Variants in G3BP1 observed in about 807,000 individuals in gnomAD.
G3BP1 encodes ras GTPase-activating protein-binding protein 1.
G3BP1 carries 35 observed loss-of-function variants against 58.6 expected under a neutral mutation model. The ratio of observed to expected loss-of-function variants is 0.60; its 90% CI spans 0.46 to 0.79. The LOEUF is 0.79. Among genes scored for constraint, G3BP1 ranks in the 30% least tolerant of loss-of-function variants. The pLI, the probability that G3BP1 is intolerant of heterozygous loss-of-function variation, is 0.00. For synonymous variants in G3BP1, 191 were observed against 195.4 expected, an observed-to-expected ratio of 0.98 and a Z score of 0.19; for missense variants, 523 against 580.8, an observed-to-expected ratio of 0.90 and a Z score of 1.02.
In G3BP1 at chr5:151,790,306, A is replaced by G. The variant is rs751990724; in HGVS notation, c.96-17A>G. 3.7e-5 allele frequency: 50 copies of G among 1,359,754 alleles called. No homozygotes were observed. The South Asian group carries it at 6.5e-4, about 18-fold the overall frequency. The allele number at this position is 1,359,754 out of a possible 1,614,324, so 84.2% of individuals were successfully genotyped here. On this transcript the variant is annotated splice_polypyrimidine_tract_variant and intron_variant, in intron 2 of 11. Coordinates refer to ENST00000356245, the MANE Select transcript of G3BP1 (RefSeq NM_005754.3). ...GATACTTGAAGATGACAAGTAAATC[A>G]TCTTCCCATTTTACAGATTTTATGG...
At position 151,806,664 on chromosome 5, in the gene G3BP1, A is replaced by G. The variant is rs557156991; in HGVS notation, c.*2573A>G. ...ATTATAAGTTAGGGCAACATTTTCT[A>G]TAGGTGGCAGCAGTAGGAGCTCATC... On this transcript the variant is annotated 3_prime_UTR_variant, in exon 12 of 12. Coordinates refer to ENST00000356245, the MANE Select transcript of G3BP1 (RefSeq NM_005754.3). The G allele has an allele frequency of 1.4e-3, 206 of 152,314 alleles. No homozygotes were observed. The highest frequency in any genetic ancestry group is 4.5e-3 in the African/African-American group (185 of 41,566). The allele number at this position is 152,314 out of a possible 1,614,324, so 9.4% of individuals were successfully genotyped here.
At chr5:151,790,474 T>C (rs1762632409) in intron 3 of G3BP1, 70 bp downstream of exon 3, 6 of 753,582 alleles carry the variant, frequency 8.0e-6, no homozygotes, top group Non-Finnish European at 8.7e-6. Flanking sequence ...AAGTGGATCA[T>C]ACTTAATAGA....
chr5:151,778,467 G>T (rs896416744), intron 1 of G3BP1, among the ~76,000 whole-genome samples: 1 of 152,114 alleles, frequency 6.6e-6, no homozygotes, highest in Non-Finnish European at 1.5e-5. Flanking sequence ...TTGAGACAGT[G>T]TTTCGCTCTT....
At chr5:151,778,786 G>T (rs1436425011) in intron 1 of G3BP1, among the ~76,000 whole-genome samples, 1 of 151,766 alleles carries the variant, frequency 6.6e-6, no homozygotes, top group Non-Finnish European at 1.5e-5. Flanking sequence ...GTCAGGCGCA[G>T]TGGCTCACAC....
intron 1 of G3BP1, among the ~76,000 whole-genome samples, chr5:151,775,089 C>T (rs1316123361): frequency 6.6e-6 from 1 of 152,168 alleles, no homozygotes; most frequent in Non-Finnish European, 1.5e-5. Context: ...AAAAAAATTG[C>T]CCTCACAGCC....
At chr5:151,799,832 A>T in intron 8 of G3BP1, 57 bp from the exon 9 acceptor site, 1 of 984,394 alleles carries the variant, frequency 1.0e-6, no homozygotes, top group Non-Finnish European at 1.6e-6. Context: ...AAACTTCATT[A>T]AGAAAAAGGA....
chr5:151,781,028 A>T (rs951292185), intron 1 of G3BP1, among the ~76,000 whole-genome samples: 5 of 151,982 alleles, frequency 3.3e-5, no homozygotes, highest in South Asian at 4.1e-4. Context: ...ATATTGGAAA[A>T]TTTTTTTTGG....
In G3BP1 at chr5:151,805,254, AT is replaced by A. The variant is rs1379959380; in HGVS notation, c.*1167del. On this transcript the variant is annotated 3_prime_UTR_variant, in exon 12 of 12. Coordinates refer to ENST00000356245, the MANE Select transcript of G3BP1 (RefSeq NM_005754.3). ...TCTTAAAATCATAGCCATATGGTAA[AT>A]TTTCTATTTTGTTATGGTTCTCTTT... 1.3e-5 allele frequency: 2 copies of A among 152,116 alleles called. No individual in the cohort carries two copies. The highest frequency in any genetic ancestry group is 4.8e-5 in the African/African-American group (2 of 41,256). 9.4% of individuals were successfully genotyped at this position (152,116 alleles called of 1,614,324 possible).
At position 151,800,918 on chromosome 5, in the gene G3BP1, T is replaced by C. The variant is rs560931804; in HGVS notation, c.1194+49T>C. 8.5e-5 allele frequency: 78 copies of C among 912,466 alleles called. No homozygotes were observed. The East Asian group carries it at 1.9e-3, about 22-fold the overall frequency. 56.5% of individuals were successfully genotyped at this position (912,466 alleles called of 1,614,324 possible). On this transcript the variant is annotated intron_variant, in intron 11 of 11. Transcript: ENST00000356245. ...TTTTTTTTTTTTTTTTAAAAAGGGT[T>C]TTGGTTCTTTAGAATATATCTTTAC...
At chr5:151,800,049 A>C (rs769026712) in intron 9 of G3BP1, 49 bp downstream of exon 9, 2 of 1,323,794 alleles carry the variant, frequency 1.5e-6, no homozygotes, top group Admixed American at 1.9e-5. Flanking sequence ...TTGAGGTGAG[A>C]GCTTATTTTG....
intron 3 of G3BP1, 108 bp downstream of exon 3, chr5:151,790,512 CT>C: frequency 1.8e-6 from 1 of 544,062 alleles, no homozygotes; most frequent in Non-Finnish European, 3.2e-6. Flanking sequence ...AGTTTCTCAA[CT>C]TTTTAGTAAA....
intron 11 of G3BP1, among the ~76,000 whole-genome samples, chr5:151,802,672 G>A (rs985338642): frequency 6.6e-6 from 1 of 152,160 alleles, no homozygotes; most frequent in African/African-American, 2.4e-5. Context: ...AGTGGCTCAC[G>A]CCTGTAATCC....
At chr5:151,782,196 A>G (rs1762481912) in intron 1 of G3BP1, among the ~76,000 whole-genome samples, 1 of 152,178 alleles carries the variant, frequency 6.6e-6, no homozygotes, top group Non-Finnish European at 1.5e-5. Context: ...TTCTGATTTT[A>G]ATTTTACAGA....
intron 7 of G3BP1, 137 bp from the exon 8 acceptor site, chr5:151,799,075 T>C (rs529125960): frequency 1.6e-6 from 1 of 612,638 alleles, no homozygotes; most frequent in African/African-American, 1.9e-5. Context: ...GAGAAGAATC[T>C]TAATATATAT....
At chr5:151,787,713 A>G in intron 2 of G3BP1, 1 of 235,424 alleles carries the variant, frequency 4.2e-6, no homozygotes. Flanking sequence ...TAGAAGTTTC[A>G]AAATGTGTAT....
intron 2 of G3BP1, among the ~76,000 whole-genome samples, chr5:151,787,967 C>T (rs1205666683): frequency 2.0e-5 from 3 of 151,918 alleles, no homozygotes; most frequent in Non-Finnish European, 1.5e-5. Context: ...AGCTGTCTCC[C>T]GGGCTGGAGT....
rs1336496091 is a variant in G3BP1, at chr5:151,805,425, A to G, written c.*1334A>G. The G allele has an allele frequency of 6.6e-6, 1 of 152,548 alleles. No individual in the cohort carries two copies. Among genetic ancestry groups the G allele is most frequent in the Non-Finnish European group, 1.5e-5 (1 of 68,024 alleles). 9.4% of individuals were successfully genotyped at this position (152,548 alleles called of 1,614,324 possible). On this transcript the variant is annotated 3_prime_UTR_variant, in exon 12 of 12. Transcript: ENST00000356245. ...TGAGTGCTGTGTGTGAGATGGGTGA[A>G]GGTTTTGTTTACACGTGTGAAACAA... is the stretch of plus-strand genomic sequence containing the variant.
At position 151,790,927 on chromosome 5, in the gene G3BP1, C is replaced by T; in HGVS notation, c.216C>T (p.Asn72=). 6.2e-7 allele frequency: 1 copy of T among 1,608,544 alleles called. No homozygotes were observed. Among genetic ancestry groups the T allele is most frequent in the Non-Finnish European group, 8.5e-7 (1 of 1,176,736 alleles). ...AAGTGATGTCACAAAACTTCACCAA[C>T]TGCCACACCAAGATTCGCCATGTTG... ...HRKVMSQNFT[N]CHTKIRHVDA... Residue 72 remains asparagine, a synonymous_variant, in exon 4 of 12, where the codon AAC becomes AAT. Transcript: ENST00000356245.
rs1255689323 is a variant in G3BP1 at position 151,800,743 on chromosome 5, ATG to A, written c.1085-13_1085-12del. 7.0e-7 allele frequency: 1 copy of A among 1,423,406 alleles called. No individual in the cohort carries two copies. The highest frequency in any genetic ancestry group is 1.1e-5 in the South Asian group (1 of 87,292). 88.2% of individuals were successfully genotyped at this position (1,423,406 alleles called of 1,614,324 possible). On this transcript the variant is annotated splice_polypyrimidine_tract_variant and intron_variant, in intron 10 of 11. Transcript: ENST00000356245. The stretch of plus-strand genomic sequence containing the variant: ...TAATGGTCTAAGTAGTTATCTGAGA[ATG>A]TGTTTCACTTGCAGGTTATGGAAAC...
Sources: gnomAD v4.1 joint callset for allele counts (sites outside exome capture counted in the v4.1 genomes callset) on GRCh38, gnomAD v4.1.1 for gene constraint, MANE v1.5 for transcripts, NCBI Gene and HGNC (gene_info 2026-07-23, HGNC 2026-07-21) for gene names.